Variants in CSMD1 observed in about 807,000 individuals in gnomAD.
CSMD1 encodes CUB and sushi domain-containing protein 1.
A neutral mutation model predicts 417.5 loss-of-function variants in CSMD1; 213 were observed. The ratio of observed to expected loss-of-function variants is 0.51; its 90% CI spans 0.46 to 0.57. The LOEUF is 0.57. Ranked by LOEUF, CSMD1 falls within the 20% of genes least tolerant of loss-of-function variation. CSMD1 has a pLI of 0.00. For synonymous variants in CSMD1, 2,862 were observed against 1,736.8 expected (o/e 1.65, Z -16.11); for missense variants, 6,923 against 4,529.7 (o/e 1.53, Z -15.17).
chr8:3,480,793 G>A (rs1393587327), intron 11 of CSMD1, among the ~76,000 whole-genome samples: 3 of 152,120 alleles, frequency 2.0e-5, no homozygotes, highest in Non-Finnish European at 4.4e-5. Flanking sequence ...TATATTCAGT[G>A]AATCTATCCT....
chr8:4,957,201 T>G (rs182563606), intron 1 of CSMD1, among the ~76,000 whole-genome samples: 13 of 152,310 alleles, frequency 8.5e-5, no homozygotes, highest in Non-Finnish European at 5.9e-5. Context: ...GACCTAAAGC[T>G]ATAGCAAACT....
chr8:3,888,429 C>T (rs757789641), intron 5 of CSMD1, among the ~76,000 whole-genome samples: 5 of 152,220 alleles, frequency 3.3e-5, no homozygotes, highest in African/African-American at 9.6e-5. Flanking sequence ...TACCTTAATG[C>T]AAGGTTCATG....
chr8:4,153,349 G>C (rs1234543047), intron 3 of CSMD1, among the ~76,000 whole-genome samples: 1 of 152,298 alleles, frequency 6.6e-6, no homozygotes, highest in African/African-American at 2.4e-5. Context: ...ACTTGACTGT[G>C]TCTCTTTCTA....
intron 3 of CSMD1, among the ~76,000 whole-genome samples, chr8:4,246,846 G>C (rs1313200214): frequency 3.3e-5 from 5 of 152,102 alleles, no homozygotes; most frequent in African/African-American, 4.8e-5. Context: ...AGAATTTAGA[G>C]CTGAACACTC....
intron 7 of CSMD1, among the ~76,000 whole-genome samples, chr8:3,677,550 C>T (rs563699223): frequency 9.2e-5 from 14 of 152,254 alleles, no homozygotes; most frequent in African/African-American, 3.4e-4. Flanking sequence ...CAGCGAGAGG[C>T]ACCCAGAAGG....
intron 3 of CSMD1, among the ~76,000 whole-genome samples, chr8:4,092,524 G>T (rs1432664860): frequency 6.6e-6 from 1 of 152,080 alleles, no homozygotes; most frequent in East Asian, 1.9e-4. Context: ...TTTAAAAAAA[G>T]AATAGAAGTA....
chr8:4,780,612 T>C (rs980143478), intron 1 of CSMD1, among the ~76,000 whole-genome samples: 15 of 152,196 alleles, frequency 9.9e-5, no homozygotes. Context: ...AGGTGGTATT[T>C]GGTTACATGA....
rs760125694 is a variant in CSMD1, at chr8:3,107,843, G to A, written c.6755-45C>T. On this transcript the variant is annotated intron_variant, in intron 44 of 69. Transcript: ENST00000635120. ...AATAATAATAATTGCAATTACACTTGCTGAATAAACACAACTATTACAAAA... is the reference window on the plus strand; with the variant it reads ...AATAATAATAATTGCAATTACACTTACTGAATAAACACAACTATTACAAAA... 8 of 1,230,062 alleles carry A rather than the reference G, an allele frequency of 6.5e-6. No homozygotes were observed. In the African/African-American group the frequency reaches 1.2e-4, roughly 19 times the overall value. The allele number at this position is 1,230,062 out of a possible 1,614,324, so 76.2% of individuals were successfully genotyped here.
intron 2 of CSMD1, among the ~76,000 whole-genome samples, chr8:4,574,584 T>C (rs1799047177): frequency 1.3e-5 from 2 of 152,154 alleles, no homozygotes; most frequent in South Asian, 4.1e-4. Flanking sequence ...TCTTGCTGAG[T>C]TCCAACTGCT....
intron 3 of CSMD1, among the ~76,000 whole-genome samples, chr8:4,270,490 A>G (rs560330041): frequency 3.3e-5 from 5 of 152,178 alleles, no homozygotes; most frequent in South Asian, 2.1e-4. Flanking sequence ...CCCATGTGGC[A>G]TATCTCCAGG....
chr8:4,164,114 TA>T (rs5889021), intron 3 of CSMD1, among the ~76,000 whole-genome samples: 58,823 of 151,772 alleles, frequency 0.39, 11,610 homozygotes, highest in Middle Eastern at 0.5. Flanking sequence ...AGAATACTTT[TA>T]AATTTTATTA....
At chr8:3,092,286 A>T (rs754468213) in intron 47 of CSMD1, among the ~76,000 whole-genome samples, 30 of 152,216 alleles carry the variant, frequency 2.0e-4, no homozygotes, top group Non-Finnish European at 4.0e-4. Flanking sequence ...ATATCCACAT[A>T]GGTAATTCTT....
At chr8:3,349,113 T>C (rs1808218787) in intron 21 of CSMD1, among the ~76,000 whole-genome samples, 1 of 152,198 alleles carries the variant, frequency 6.6e-6, no homozygotes, top group South Asian at 2.1e-4. Flanking sequence ...GCCTATTCTT[T>C]TGAAGAATAA....
chr8:4,064,209 G>A (rs1030010161), intron 3 of CSMD1, among the ~76,000 whole-genome samples: 2 of 152,196 alleles, frequency 1.3e-5, no homozygotes, highest in African/African-American at 4.8e-5. Flanking sequence ...CCATGGCTCA[G>A]ATTTGTTTCT....
intron 6 of CSMD1, among the ~76,000 whole-genome samples, chr8:3,715,246 A>G (rs73658220): frequency 0.036 from 5,511 of 152,270 alleles, 134 homozygotes; most frequent in South Asian, 0.083. Flanking sequence ...GCGTTGAGCC[A>G]ATTTCCTATT....
intron 3 of CSMD1, among the ~76,000 whole-genome samples, chr8:4,392,033 A>G (rs1803882925): frequency 6.6e-6 from 1 of 152,184 alleles, no homozygotes; most frequent in African/African-American, 2.4e-5. Context: ...AGTGAGTCCC[A>G]GGGTTTTGGG....
intron 5 of CSMD1, among the ~76,000 whole-genome samples, chr8:3,846,950 C>T (rs191920478): frequency 3.4e-4 from 52 of 152,280 alleles, no homozygotes; most frequent in African/African-American, 9.9e-4. Context: ...GCTGTGATTA[C>T]AGCCGTGAGC....
intron 3 of CSMD1, among the ~76,000 whole-genome samples, chr8:4,080,722 T>C (rs1428350031): frequency 3.3e-5 from 5 of 152,134 alleles, no homozygotes; most frequent in Non-Finnish European, 7.4e-5. Context: ...ATTTCTGCCA[T>C]AGGAGAGAAA....
intron 3 of CSMD1, among the ~76,000 whole-genome samples, chr8:4,337,973 T>C (rs1377990618): frequency 6.6e-6 from 1 of 152,168 alleles, no homozygotes; most frequent in South Asian, 2.1e-4. Flanking sequence ...ATCAGTTTTG[T>C]CAACTGTAAA....
Sources: gnomAD v4.1 joint callset for allele counts (sites outside exome capture counted in the v4.1 genomes callset) on GRCh38, gnomAD v4.1.1 for gene constraint, MANE v1.5 for transcripts, NCBI Gene and HGNC (gene_info 2026-07-23, HGNC 2026-07-21) for gene names.